Variants in TCF7L1 observed in about 807,000 individuals in gnomAD.
The protein encoded by TCF7L1 is transcription factor 7 like 1, also known as transcription factor 7-like 1.
TCF7L1 carries 18 observed loss-of-function variants against 63.7 expected under a neutral mutation model. The ratio of observed to expected loss-of-function variants is 0.28; its 90% confidence interval spans 0.20 to 0.42. The LOEUF (loss-of-function observed/expected upper bound fraction) is 0.42. Among genes scored for constraint, TCF7L1 ranks in the 10% least tolerant of loss-of-function variants. TCF7L1 has a pLI of 1.00. For missense variants in TCF7L1, 654 were observed against 779.3 expected (o/e 0.84, Z 1.91); for synonymous variants, 355 against 340.9 (o/e 1.04, Z -0.46).
At chr2:85,255,780 G>A (rs773853017) in intron 3 of TCF7L1, among the ~76,000 whole-genome samples, 6 of 152,160 alleles carry the variant, frequency 3.9e-5, no homozygotes, top group Non-Finnish European at 5.9e-5. Context: ...CTGGTCCCAC[G>A]TGGGGCAGGT....
At chr2:85,182,118 T>C (rs1678817738) in intron 3 of TCF7L1, among the ~76,000 whole-genome samples, 1 of 151,884 alleles carries the variant, frequency 6.6e-6, no homozygotes, top group South Asian at 2.1e-4. Flanking sequence ...GGGATTTCGG[T>C]TGGAGAGGAA....
chr2:85,159,586 A>C (rs1678233740), intron 3 of TCF7L1, among the ~76,000 whole-genome samples: 1 of 152,218 alleles, frequency 6.6e-6, no homozygotes. Flanking sequence ...TGCCTTCCAG[A>C]CCAGTGCCTG....
chr2:85,225,102 T>G (rs968858745), intron 3 of TCF7L1, among the ~76,000 whole-genome samples: 1 of 152,240 alleles, frequency 6.6e-6, no homozygotes, highest in African/African-American at 2.4e-5. Context: ...ATGTGCAGTG[T>G]TATTTCTGAG....
At chr2:85,271,593 G>T (rs1027071959) in intron 3 of TCF7L1, among the ~76,000 whole-genome samples, 1 of 152,188 alleles carries the variant, frequency 6.6e-6, no homozygotes, top group Non-Finnish European at 1.5e-5. Flanking sequence ...GTTGTAACAC[G>T]ATAATTCTTG....
chr2:85,286,329 T>C (rs555143015), intron 4 of TCF7L1, among the ~76,000 whole-genome samples: 3 of 151,240 alleles, frequency 2.0e-5, no homozygotes, highest in South Asian at 4.2e-4. Context: ...CACTCCAGCC[T>C]GGGCAACAGA....
intron 3 of TCF7L1, among the ~76,000 whole-genome samples, chr2:85,255,625 G>C (rs1414496265): frequency 6.6e-6 from 1 of 152,188 alleles, no homozygotes; most frequent in Non-Finnish European, 1.5e-5. Context: ...GGGTCTGCGA[G>C]GCCTGCCTAA....
chr2:85,133,612 C>T lies in TCF7L1; in HGVS notation c.-73C>T. On this transcript the variant is annotated 5_prime_UTR_variant, in exon 1 of 12. Coordinates refer to ENST00000282111, the MANE Select transcript of TCF7L1 (RefSeq NM_031283.3). The surrounding 1 kb of genome is among the most constrained non-coding windows in gnomAD (Gnocchi z 4.4). ...CGGGCCCGCAAGCGGGCGGGAGGGG[C>T]GCCGGGCCGGGCCGGGCAGGGCGCG... 5.5e-6 allele frequency: 3 copies of T among 546,532 alleles called. No homozygotes were observed. Among genetic ancestry groups the T allele is most frequent in the Non-Finnish European group, 7.0e-6 (3 of 430,914 alleles). 33.9% of individuals were successfully genotyped at this position (546,532 alleles called of 1,614,324 possible).
At chr2:85,275,915 A>G (rs1306061897) in intron 3 of TCF7L1, among the ~76,000 whole-genome samples, 3 of 65,858 alleles carry the variant, frequency 4.6e-5, no homozygotes, top group East Asian at 4.9e-4. Flanking sequence ...GTGAGACTCC[A>G]TCTCAAAAAA....
At chr2:85,216,082 T>C (rs368661869) in intron 3 of TCF7L1, among the ~76,000 whole-genome samples, 1 of 152,094 alleles carries the variant, frequency 6.6e-6, no homozygotes, top group East Asian at 1.9e-4. Flanking sequence ...CTTGAGGAGC[T>C]TGGCTTTGGG....
intron 3 of TCF7L1, among the ~76,000 whole-genome samples, chr2:85,251,016 GAGTT>G (rs1245636713): frequency 1.3e-5 from 2 of 152,256 alleles, no homozygotes; most frequent in African/African-American, 4.8e-5. Flanking sequence ...TAGCAGCTAA[GAGTT>G]AGAGGCCTGA....
At position 85,306,566 on chromosome 2, in the gene TCF7L1, G is replaced by A. The variant is rs899195787; in HGVS notation, c.1257+7G>A. 45 of 1,613,530 alleles carry A rather than the reference G, an allele frequency of 2.8e-5. No homozygotes were observed. The highest frequency in any genetic ancestry group is 8.0e-5 in the African/African-American group (6 of 74,928). On this transcript the variant is annotated splice_region_variant and intron_variant, in intron 10 of 11. Coordinates refer to ENST00000282111, the MANE Select transcript of TCF7L1 (RefSeq NM_031283.3). The surrounding 1 kb of genome is among the most constrained non-coding windows in gnomAD (Gnocchi z 4.3). ...GTCAGCCCGGGACAACTATGTAAGT[G>A]CACACTCTGGGCAGAGGACGCTCAG...
intron 8 of TCF7L1, 81 bp downstream of exon 8, chr2:85,305,484 A>C: frequency 4.7e-5 from 70 of 1,485,980 alleles, no homozygotes; most frequent in Non-Finnish European, 5.6e-5. Flanking sequence ...AGCAAATGTC[A>C]TGTACTCTTC....
chr2:85,238,533 G>C (rs1680247797), intron 3 of TCF7L1, among the ~76,000 whole-genome samples: 1 of 152,158 alleles, frequency 6.6e-6, no homozygotes, highest in Non-Finnish European at 1.5e-5. Flanking sequence ...TTCCTTCAAC[G>C]CTTCCTTATG....
At chr2:85,176,121 G>T (rs76415850) in intron 3 of TCF7L1, among the ~76,000 whole-genome samples, 1,599 of 152,342 alleles carry the variant, frequency 0.01, 16 homozygotes, top group Non-Finnish European at 0.018. Context: ...GATGATATTT[G>T]TAGGGCATAC....
chr2:85,220,362 AT>A (rs543338226), intron 3 of TCF7L1, among the ~76,000 whole-genome samples: 4 of 148,970 alleles, frequency 2.7e-5, no homozygotes, highest in East Asian at 3.9e-4. Context: ...TTAAAAAAAA[AT>A]ATATATATAT....
intron 3 of TCF7L1, among the ~76,000 whole-genome samples, chr2:85,160,388 C>A (rs1678257447): frequency 6.6e-6 from 1 of 152,148 alleles, no homozygotes; most frequent in African/African-American, 2.4e-5. Flanking sequence ...CCACGCCCAG[C>A]AAATTTTCGT....
chr2:85,271,159 C>T (rs1425803850), intron 3 of TCF7L1, among the ~76,000 whole-genome samples: 1 of 152,198 alleles, frequency 6.6e-6, no homozygotes, highest in Non-Finnish European at 1.5e-5. Context: ...GTCACCCAGG[C>T]TGGAGTTCAA....
chr2:85,299,730 G>A (rs866067493), intron 4 of TCF7L1, among the ~76,000 whole-genome samples: 6 of 151,612 alleles, frequency 4.0e-5, no homozygotes, highest in African/African-American at 7.3e-5. Flanking sequence ...GTGGCAGTGC[G>A]CATCTGTAGT....
At chr2:85,143,692 A>G (rs956964120) in intron 3 of TCF7L1, among the ~76,000 whole-genome samples, 7 of 152,196 alleles carry the variant, frequency 4.6e-5, no homozygotes, top group African/African-American at 1.7e-4. Flanking sequence ...GATTTTACAC[A>G]CATGCCTGAT....
Sources: gnomAD v4.1 joint callset for allele counts (sites outside exome capture counted in the v4.1 genomes callset) on GRCh38, gnomAD v4.1.1 for gene constraint, Gnocchi (gnomAD v3.1) non-coding constraint, MANE v1.5 for transcripts, NCBI Gene and HGNC (gene_info 2026-07-23, HGNC 2026-07-21) for gene names.